The following ZC2HC1A variants were observed in gnomAD, a reference collection of about 807,000 sequenced individuals.
The protein encoded by ZC2HC1A is zinc finger C2HC domain-containing protein 1A.
ZC2HC1A carries 28 observed loss-of-function variants against 40.7 expected under a neutral mutation model. The observed-to-expected ratio is 0.69, with a 90% CI of 0.51 to 0.94. The LOEUF is 0.94. Among genes scored for constraint, ZC2HC1A ranks in the 40% least tolerant of loss-of-function variants. The pLI is 0.00. For synonymous variants in ZC2HC1A, 129 were observed against 129.2 expected (o/e 1.00, Z 0.01); for missense variants, 389 against 386.3 (o/e 1.01, Z -0.06).
At chr8:78,699,760 G>C (rs567613006) in intron 7 of ZC2HC1A, among the ~76,000 whole-genome samples, 7 of 152,050 alleles carry the variant, frequency 4.6e-5, no homozygotes, top group African/African-American at 1.7e-4. Context: ...AAGGATAATG[G>C]CCTCCAGCTC....
chr8:78,699,100 GT>G (rs1173089584), intron 7 of ZC2HC1A, among the ~76,000 whole-genome samples: 47 of 143,970 alleles, frequency 3.3e-4, no homozygotes, highest in African/African-American at 1.2e-3. Context: ...TGCAACTATA[GT>G]ATGTATATAA....
At chr8:78,716,967 A>G (rs1484449116) in intron 8 of ZC2HC1A, among the ~76,000 whole-genome samples, 1 of 152,088 alleles carries the variant, frequency 6.6e-6, no homozygotes, top group African/African-American at 2.4e-5. Flanking sequence ...AAGTTTCCTG[A>G]GGCCTCCCCA....
chr8:78,689,527 AGC>A (rs1037454596), intron 5 of ZC2HC1A, among the ~76,000 whole-genome samples, 154 bp downstream of exon 5: 58 of 152,112 alleles, frequency 3.8e-4, no homozygotes, highest in African/African-American at 1.4e-3. Flanking sequence ...GTATGCTTTT[AGC>A]TCTTATATCT....
intron 1 of ZC2HC1A, among the ~76,000 whole-genome samples, chr8:78,670,219 G>A (rs1434043079): frequency 6.6e-6 from 1 of 151,944 alleles, no homozygotes; most frequent in Admixed American, 6.6e-5. Context: ...TGCCTGCCTC[G>A]ACGTCCCAAA....
intron 1 of ZC2HC1A, among the ~76,000 whole-genome samples, chr8:78,672,290 G>A (rs117022251): frequency 2.0e-5 from 3 of 152,046 alleles, no homozygotes; most frequent in African/African-American, 7.2e-5. Flanking sequence ...TGAGAGAAAG[G>A]TACAGCCACT....
chr8:78,698,363 T>C (rs1186053571), intron 6 of ZC2HC1A, 51 bp from the exon 7 acceptor site: 2 of 1,452,878 alleles, frequency 1.4e-6, no homozygotes, highest in African/African-American at 1.4e-5. Context: ...TGCTCTGTTT[T>C]ATGTAACCTT....
At chr8:78,714,862 A>AT (rs2130613749) in intron 7 of ZC2HC1A, among the ~76,000 whole-genome samples, 1 of 152,280 alleles carries the variant, frequency 6.6e-6, no homozygotes, top group South Asian at 2.1e-4. Flanking sequence ...TTGTTTGTTT[A>AT]TTTAACCATT....
intron 2 of ZC2HC1A, among the ~76,000 whole-genome samples, chr8:78,678,189 A>G (rs781103285): frequency 1.5e-4 from 23 of 152,108 alleles, no homozygotes; most frequent in East Asian, 1.9e-4. Context: ...TGCCTTAACT[A>G]TCTGGGAATG....
rs1446176741 is a variant in ZC2HC1A, at chr8:78,666,181, A to G, written c.16+17A>G. ...GACTGGAAGGTGAGGCGATGAAGGG[A>G]TGAGGGCAGGACGGCTAGAGCGGGC... On this transcript the variant is annotated intron_variant, in intron 1 of 8. Coordinates refer to ENST00000263849, the MANE Select transcript of ZC2HC1A (RefSeq NM_016010.3). The G allele has an allele frequency of 6.4e-7, 1 of 1,573,590 alleles. No individual in the cohort carries two copies. The highest frequency in any genetic ancestry group is 1.8e-4 in the Middle Eastern group (1 of 5,604).
At chr8:78,715,705 A>G (rs1188803453) in intron 8 of ZC2HC1A, among the ~76,000 whole-genome samples, 13 of 152,144 alleles carry the variant, frequency 8.5e-5, no homozygotes, top group Admixed American at 8.5e-4. Flanking sequence ...TCAGAAGGGA[A>G]GCCTGCAGAT....
intron 7 of ZC2HC1A, among the ~76,000 whole-genome samples, chr8:78,707,739 T>C (rs1192475414): frequency 2.0e-5 from 3 of 152,216 alleles, no homozygotes; most frequent in African/African-American, 7.2e-5. Flanking sequence ...GAAAGAGAGC[T>C]GTGGAGCTCA....
rs1563643023 is a variant in ZC2HC1A at position 78,717,759 on chromosome 8, A to T, written c.*266A>T. ...GTCAGAAAATAATTTCAAATGGAAC[A>T]ATTAATTTAGGTGTTACTTTTCTGT... is the stretch of plus-strand genomic sequence containing the variant. On this transcript the variant is annotated 3_prime_UTR_variant, in exon 9 of 9. Coordinates refer to ENST00000263849, the MANE Select transcript of ZC2HC1A (RefSeq NM_016010.3). The T allele has an allele frequency of 8.3e-6, 2 of 239,912 alleles. No homozygotes were observed. The highest frequency in any genetic ancestry group is 1.0e-4 in the Admixed American group (2 of 19,494). The allele number at this position is 239,912 out of a possible 1,614,324, so 14.9% of individuals were successfully genotyped here.
chr8:78,716,125 T>C (rs1811093726), intron 8 of ZC2HC1A, among the ~76,000 whole-genome samples: 1 of 151,576 alleles, frequency 6.6e-6, no homozygotes, highest in South Asian at 2.1e-4. Context: ...GTTTTTGTTT[T>C]TTTGGTTTGT....
chr8:78,677,928 A>C (rs1809635260), intron 2 of ZC2HC1A, among the ~76,000 whole-genome samples: 1 of 152,186 alleles, frequency 6.6e-6, no homozygotes, highest in African/African-American at 2.4e-5. Flanking sequence ...TGATATGCTA[A>C]ACAAGGGGTG....
In ZC2HC1A at chr8:78,678,685, T is replaced by C; in HGVS notation, c.210+6T>C. ...TAAAACCTCTCAAACCGAGGGTAAC[T>C]ATATAACCTTTTGAACAGTATGAAC... On this transcript the variant is annotated splice_donor_region_variant and intron_variant, in intron 3 of 8. Transcript: ENST00000263849. 6.3e-7 allele frequency: 1 copy of C among 1,592,740 alleles called. No individual in the cohort carries two copies. Among genetic ancestry groups the C allele is most frequent in the African/African-American group, 1.4e-5 (1 of 73,662 alleles).
At chr8:78,697,873 T>A (rs1194186983) in intron 6 of ZC2HC1A, among the ~76,000 whole-genome samples, 1 of 152,002 alleles carries the variant, frequency 6.6e-6, no homozygotes, top group Non-Finnish European at 1.5e-5. Context: ...AGAGATGGGG[T>A]TTCACCAAGT....
intron 1 of ZC2HC1A, among the ~76,000 whole-genome samples, chr8:78,667,532 T>C (rs954169238): frequency 6.6e-6 from 1 of 152,194 alleles, no homozygotes; most frequent in African/African-American, 2.4e-5. Context: ...AGTTTGCAGA[T>C]TTTTATTATT....
At chr8:78,716,955 A>G (rs912963004) in intron 8 of ZC2HC1A, among the ~76,000 whole-genome samples, 16 of 152,092 alleles carry the variant, frequency 1.1e-4, no homozygotes, top group African/African-American at 3.6e-4. Context: ...TCTGCTATGA[A>G]TAAGTTTCCT....
chr8:78,709,699 G>A (rs192526264), intron 7 of ZC2HC1A, among the ~76,000 whole-genome samples: 285 of 150,350 alleles, frequency 1.9e-3, no homozygotes, highest in Non-Finnish European at 3.1e-3. Context: ...ATACACGAAC[G>A]CTAATGATAG....
Sources: allele counts gnomAD v4.1 joint callset (sites outside exome capture counted in the v4.1 genomes callset), GRCh38; gene constraint gnomAD v4.1.1; transcripts MANE v1.5; gene names NCBI Gene and HGNC (gene_info 2026-07-23, HGNC 2026-07-21).